Variants in RPL17 observed in about 807,000 individuals in gnomAD.
RPL17 encodes the protein ribosomal protein L17.
In RPL17, 2 loss-of-function variants were observed where a neutral mutation model predicts 27.7. That is an observed-to-expected ratio of 0.07 (90% CI 0.03 to 0.23). RPL17 has a LOEUF of 0.23. Among genes scored for constraint, RPL17 ranks in the 10% least tolerant of loss-of-function variants. The pLI is 1.00. For synonymous variants in RPL17, 76 were observed against 75.5 expected (o/e 1.01, Z -0.03); for missense variants, 141 against 238.8 (o/e 0.59, Z 2.70).
chr18:49,491,063 T>C, intron 3 of RPL17, 136 bp from the exon 4 acceptor site: 3 of 1,417,260 alleles, frequency 2.1e-6, no homozygotes, highest in Middle Eastern at 4.4e-4. Context: ...TTAAAAAAAC[T>C]TGTGACTAAA....
In RPL17 at chr18:49,490,895, A is replaced by T. The variant is rs1187673064; in HGVS notation, c.114T>A (p.Gly38=). Residue 38 remains glycine (G), a synonymous_variant, in exon 4 of 7, where the codon GGT becomes GGA. Coordinates refer to ENST00000580261, the MANE Select transcript of RPL17 (RefSeq NM_001035006.5). ...NTRETAQAIK[G]MHIRKATKYL... is the part of the protein sequence containing the mutation. ...ACTTCGTGGCTTTTCGTATATGCAT[A>T]CCCTTGATGGCCTGAGCAGTTTCAC... 6 of 1,613,826 alleles carry T rather than the reference A, an allele frequency of 3.7e-6. No homozygotes were observed. Among genetic ancestry groups the T allele is most frequent in the African/African-American group, 1.3e-5 (1 of 74,928 alleles).
chr18:49,491,211 T>G, intron 3 of RPL17, 194 bp downstream of exon 3: 1 of 1,004,306 alleles, frequency 1.0e-6, no homozygotes, highest in Non-Finnish European at 1.6e-6. Flanking sequence ...CAAATGGTTT[T>G]CTGGTACTAC....
intron 6 of RPL17, 99 bp downstream of exon 6, chr18:49,489,258 GTT>G (rs2083882057): frequency 1.4e-5 from 19 of 1,335,404 alleles, no homozygotes; most frequent in Non-Finnish European, 1.9e-5. Flanking sequence ...GCTCAGAATA[GTT>G]TTCTTTCATA....
In RPL17 at chr18:49,492,441, G is replaced by A. The variant is rs2084194417; in HGVS notation, c.-14+17C>T. 6.6e-6 allele frequency: 1 copy of A among 152,400 alleles called. No individual in the cohort carries two copies. Among genetic ancestry groups the A allele is most frequent in the Admixed American group, 6.5e-5 (1 of 15,290 alleles). 9.4% of individuals were successfully genotyped at this position (152,400 alleles called of 1,614,324 possible). On this transcript the variant is annotated intron_variant, in intron 1 of 6. Transcript: ENST00000580261. Reference sequence around the variant, plus strand: ...AGGAGGATTGGGCCCTCGGAGCAACGCAGGAGAAACACTCACCTCAGGCTG... The same window carrying A: ...AGGAGGATTGGGCCCTCGGAGCAACACAGGAGAAACACTCACCTCAGGCTG...
At chr18:49,491,328 TAAGA>T in intron 3 of RPL17, 73 bp downstream of exon 3, 5 of 1,604,532 alleles carry the variant, frequency 3.1e-6, no homozygotes, top group Non-Finnish European at 4.3e-6. Flanking sequence ...AAAGGTGTCC[TAAGA>T]AAGTCATCAC....
At chr18:49,491,011 T>C in intron 3 of RPL17, 84 bp from the exon 4 acceptor site, 1 of 1,584,404 alleles carries the variant, frequency 6.3e-7, no homozygotes, top group Non-Finnish European at 8.6e-7. Flanking sequence ...TTTTCAGCTT[T>C]TCAAAATGTC....
At chr18:49,488,624 A>AC (rs2083826396) in intron 6 of RPL17, 58 bp from the exon 7 acceptor site, 1 of 1,017,226 alleles carries the variant, frequency 9.8e-7, no homozygotes. Flanking sequence ...ATCTTGGAGG[A>AC]CTTCAGCTTA....
intron 1 of RPL17, 74 bp from the exon 2 acceptor site, chr18:49,491,658 C>G: frequency 6.5e-7 from 1 of 1,531,070 alleles, no homozygotes; most frequent in Non-Finnish European, 9.1e-7. Flanking sequence ...TCAGATGATT[C>G]GAACAGCTGC....
chr18:49,491,444 T>C lies in RPL17; in HGVS notation c.42A>G (p.Ser14=), dbSNP rs781490870. Residue 14 remains serine (S), a splice_region_variant and synonymous_variant, in exon 3 of 7, where the codon TCA becomes TCG. Coordinates refer to ENST00000580261, the MANE Select transcript of RPL17 (RefSeq NM_001035006.5). ...GAAGATTGGAACCTCTTGATTTGCATGCTAGAAAATAAAACGTTTTGGTTA... is the reference window on the plus strand; with the variant it reads ...GAAGATTGGAACCTCTTGATTTGCACGCTAGAAAATAAAACGTTTTGGTTA... ...YSLDPENPTK[S]CKSRGSNLRV... The C allele has an allele frequency of 9.9e-6, 16 of 1,614,036 alleles. No homozygotes were observed. The highest frequency in any genetic ancestry group is 3.3e-5 in the Admixed American group (2 of 60,006).
At chr18:49,490,573 T>G (rs567957956) in intron 4 of RPL17, 21 bp from the exon 5 acceptor site, 3 of 1,613,508 alleles carry the variant, frequency 1.9e-6, no homozygotes, top group South Asian at 2.2e-5. Context: ...ATGGAGATGA[T>G]GAGTCATTTT....
chr18:49,491,499 T>A (rs765390436), intron 2 of RPL17, 33 bp downstream of exon 2: 2 of 1,614,128 alleles, frequency 1.2e-6, no homozygotes, highest in Non-Finnish European at 1.7e-6. Flanking sequence ...AAGCCCCAAG[T>A]AGGAAATGGG....
chr18:49,489,604 A>G, intron 5 of RPL17, 54 bp from the exon 6 acceptor site: 1 of 1,551,224 alleles, frequency 6.4e-7, no homozygotes, highest in Non-Finnish European at 8.8e-7. Context: ...TTAGTAAAAC[A>G]CCACAAACTA....
At chr18:49,488,955 G>T (rs1179742195) in intron 6 of RPL17, among the ~76,000 whole-genome samples, 1 of 151,356 alleles carries the variant, frequency 6.6e-6, no homozygotes, top group Non-Finnish European at 1.5e-5. Context: ...CTGGAGTGCA[G>T]TGGCGCGATC....
Position 49,490,995 on chromosome 18 carries a change from T to G in RPL17, c.82-68A>C, listed in dbSNP as rs1037639254. On this transcript the variant is annotated intron_variant, in intron 3 of 6. Coordinates refer to ENST00000580261, the MANE Select transcript of RPL17 (RefSeq NM_001035006.5). ...TTAATTTTTAAAGTAAACGTTAAATTTTCAATTTTCAGCTTTTCAAAATGT... is the reference window on the plus strand; with the variant it reads ...TTAATTTTTAAAGTAAACGTTAAATGTTCAATTTTCAGCTTTTCAAAATGT... 2.6e-5 allele frequency: 41 copies of G among 1,593,548 alleles called. No homozygotes were observed. In the South Asian group the frequency reaches 4.4e-4, roughly 17 times the overall value.
chr18:49,489,597 G>T (rs781187192), intron 5 of RPL17, 47 bp from the exon 6 acceptor site: 28 of 1,570,824 alleles, frequency 1.8e-5, no homozygotes, highest in Non-Finnish European at 2.4e-5. Flanking sequence ...TCCTTAATTA[G>T]TAAAACACCA....
At chr18:49,491,653 T>G (rs1267372021) in intron 1 of RPL17, 69 bp from the exon 2 acceptor site, 1 of 1,554,362 alleles carries the variant, frequency 6.4e-7, no homozygotes, top group South Asian at 1.1e-5. Context: ...AAATATCAGA[T>G]GATTCGAACA....
chr18:49,491,562 A>G lies in RPL17; in HGVS notation c.10T>C (p.Tyr4His), dbSNP rs1298453907. 3 of 1,614,220 alleles carry G rather than the reference A, an allele frequency of 1.9e-6. No individual in the cohort carries two copies. The highest frequency in any genetic ancestry group is 4.5e-5 in the East Asian group (2 of 44,884). MVR[Y>H]SLDPENPTKS... ...GTGGGGTTCTCCGGGTCAAGTGAAT[A>G]GCGAACCATTTTCACAGATCACCTA... The change falls in exon 2 of 7, where the codon TAT becomes CAT. Residue 4 changes from tyrosine to histidine, a missense_variant. This residue lies in a region of RPL17 where 107 missense variants were observed against 150.1 expected (regional missense o/e 0.71). Coordinates refer to ENST00000580261, the MANE Select transcript of RPL17 (RefSeq NM_001035006.5).
intron 3 of RPL17, 169 bp from the exon 4 acceptor site, chr18:49,491,096 C>A (rs1409002798): frequency 1.8e-6 from 2 of 1,098,106 alleles, no homozygotes; most frequent in East Asian, 2.4e-5. Context: ...TTCGTTGAAG[C>A]TAGAGAAAAC....
intron 1 of RPL17, 85 bp downstream of exon 1, chr18:49,492,373 G>A (rs1428577186): frequency 1.3e-5 from 2 of 152,322 alleles, no homozygotes; most frequent in Admixed American, 6.5e-5. Context: ...CCTCCCGGGG[G>A]CCTGGAGGCC....
Sources: allele counts gnomAD v4.1 joint callset (sites outside exome capture counted in the v4.1 genomes callset), GRCh38; gene constraint gnomAD v4.1.1; regional missense constraint gnomAD v4.1.1; transcripts MANE v1.5; gene names NCBI Gene and HGNC (gene_info 2026-07-23, HGNC 2026-07-21).